The following ANKRD42 variants were observed in gnomAD, a reference collection of about 807,000 sequenced individuals.
ANKRD42 encodes ankyrin repeat domain-containing protein 42.
A neutral mutation model predicts 51.5 loss-of-function variants in ANKRD42; 43 were observed. The ratio of observed to expected loss-of-function variants is 0.83; its 90% CI spans 0.65 to 1.08. The LOEUF (loss-of-function observed/expected upper bound fraction) is 1.08. Ranked by LOEUF, ANKRD42 falls within the 50% of genes least tolerant of loss-of-function variation. The pLI, the probability that ANKRD42 is intolerant of heterozygous loss-of-function variation, is 0.00. For missense variants in ANKRD42, 608 were observed against 629.3 expected (o/e 0.97, Z 0.36); for synonymous variants, 203 against 213.0 (o/e 0.95, Z 0.41).
chr11:83,245,402 A>C, intron 9 of ANKRD42, 96 bp from the exon 10 acceptor site: 1 of 1,314,662 alleles, frequency 7.6e-7, no homozygotes, highest in Non-Finnish European at 1.0e-6. Flanking sequence ...TACAGACACT[A>C]GTCTAGAGGA....
chr11:83,218,333 ATT>A (rs1195158899), intron 5 of ANKRD42, among the ~76,000 whole-genome samples: 1 of 152,014 alleles, frequency 6.6e-6, no homozygotes, highest in Admixed American at 6.6e-5. Context: ...CCTGTGGGGA[ATT>A]TTTCCTTTTC....
chr11:83,209,599 G>T, intron 3 of ANKRD42: 1 of 886,716 alleles, frequency 1.1e-6, no homozygotes, highest in Non-Finnish European at 1.9e-6. Flanking sequence ...CTCACATATT[G>T]CTGTTCCGGT....
chr11:83,198,639 G>T lies in ANKRD42; in HGVS notation c.219G>T (p.Leu73Phe). Residue 73 changes from leucine to phenylalanine, a missense_variant, in exon 2 of 11, where the codon TTG becomes TTT. Leu to Phe is a conservative substitution (Grantham distance 22). Coordinates refer to ENST00000533342, the MANE Select transcript of ANKRD42 (RefSeq NM_001300975.2). ...ATTGGGCAGCACATTCTGGAAGTTT[G>T]GAGGTAAGAAACTATACATATCACT... ...PLHWAAHSGS[L>F]ECLHWLLWHG... 1 of 1,584,452 alleles carries T rather than the reference G, an allele frequency of 6.3e-7. No individual in the cohort carries two copies. The highest frequency in any genetic ancestry group is 8.6e-7 in the Non-Finnish European group (1 of 1,164,738).
intron 8 of ANKRD42, 51 bp downstream of exon 8, chr11:83,236,560 G>A (rs781510170): frequency 4.6e-5 from 67 of 1,454,258 alleles, no homozygotes; most frequent in South Asian, 2.2e-4. Context: ...AAAGTTTTGC[G>A]TATACTTTTT....
chr11:83,199,409 T>G (rs907225941), intron 2 of ANKRD42, among the ~76,000 whole-genome samples: 11 of 152,202 alleles, frequency 7.2e-5, no homozygotes, highest in Non-Finnish European at 1.6e-4. Context: ...AGCTTTTTTT[T>G]GTTCAACAAT....
chr11:83,201,945 CTG>C (rs1319543972), intron 2 of ANKRD42, among the ~76,000 whole-genome samples: 15 of 152,226 alleles, frequency 9.9e-5, no homozygotes, highest in African/African-American at 2.6e-4. Flanking sequence ...TGTAGGTTGC[CTG>C]TTCACTCTGA....
chr11:83,199,908 C>T (rs570885598), intron 2 of ANKRD42, among the ~76,000 whole-genome samples: 1 of 152,258 alleles, frequency 6.6e-6, no homozygotes, highest in Non-Finnish European at 1.5e-5. Flanking sequence ...TTACTTGTGC[C>T]TTTCTTTGGA....
At chr11:83,260,925 G>A (rs1863899788), downstream of ANKRD42, 1 of 152,090 alleles carries the variant, frequency 6.6e-6, no homozygotes, top group Admixed American at 6.6e-5. Flanking sequence ...GAAAAGCTTT[G>A]TTTTATGTAA....
intron 7 of ANKRD42, among the ~76,000 whole-genome samples, chr11:83,234,610 TC>T (rs1450477414): frequency 1.3e-5 from 2 of 152,240 alleles, no homozygotes; most frequent in African/African-American, 4.8e-5. Flanking sequence ...TTTAAACATT[TC>T]CCATATGATA....
chr11:83,233,209 TG>T (rs201149823), intron 7 of ANKRD42, among the ~76,000 whole-genome samples: 3 of 150,170 alleles, frequency 2.0e-5, no homozygotes, highest in African/African-American at 2.5e-5. Context: ...CCATCGGGTC[TG>T]GGGTTTTTTT....
chr11:83,225,162 A>G (rs1862838644), intron 6 of ANKRD42, 107 bp downstream of exon 6: 3 of 886,080 alleles, frequency 3.4e-6, no homozygotes, highest in Non-Finnish European at 3.3e-6. Context: ...CAAATGTTAT[A>G]TACGTTATAT....
intron 5 of ANKRD42, among the ~76,000 whole-genome samples, chr11:83,220,218 C>G (rs1380757792): frequency 6.6e-6 from 1 of 152,192 alleles, no homozygotes; most frequent in African/African-American, 2.4e-5. Context: ...TCCAGGCCAA[C>G]TAAAGCTCCC....
At chr11:83,212,628 C>T in intron 5 of ANKRD42, 1 of 1,508,970 alleles carries the variant, frequency 6.6e-7, no homozygotes, top group South Asian at 1.2e-5. Context: ...ATGAACAGGC[C>T]TGATCAAATC....
downstream of ANKRD42, among the ~76,000 whole-genome samples, chr11:83,257,537 T>C (rs1863796251): frequency 1.3e-5 from 2 of 152,234 alleles, no homozygotes; most frequent in Admixed American, 1.3e-4. Context: ...AAGAGCCATA[T>C]AAAGTAGGTA....
rs575822955 is a variant in ANKRD42 at position 83,193,750 on chromosome 11, C to G, written c.-921C>G. On this transcript the variant is annotated 5_prime_UTR_variant, in exon 1 of 11. Coordinates refer to ENST00000533342, the MANE Select transcript of ANKRD42 (RefSeq NM_001300975.2). ...GCGACGGCCCTGCTGCCTCTCCAGC[C>G]AAGTGGCTGGAGTCGGGAGGCTGGA... is the stretch of plus-strand genomic sequence containing the variant. The G allele has an allele frequency of 2.3e-6, 1 of 431,482 alleles. No individual in the cohort carries two copies. The highest frequency in any genetic ancestry group is 1.6e-5 in the South Asian group (1 of 62,746). The allele number at this position is 431,482 out of a possible 1,614,324, so 26.7% of individuals were successfully genotyped here. A position where few individuals can be genotyped will look rare whatever the true frequency, so the allele number is the denominator to read the frequency against.
At chr11:83,247,815 A>C in intron 10 of ANKRD42, 128 bp from the exon 11 acceptor site, 1 of 860,454 alleles carries the variant, frequency 1.2e-6, no homozygotes. Context: ...CCCTTAATAC[A>C]TATTTGTTGA....
intron 5 of ANKRD42, among the ~76,000 whole-genome samples, chr11:83,224,259 A>G (rs1418199529): frequency 6.6e-6 from 1 of 152,080 alleles, no homozygotes; most frequent in Non-Finnish European, 1.5e-5. Context: ...CAGAGTGACT[A>G]TTGGTTTATT....
intron 5 of ANKRD42, 101 bp downstream of exon 5, chr11:83,211,531 T>G: frequency 7.5e-7 from 1 of 1,327,606 alleles, no homozygotes; most frequent in Non-Finnish European, 1.0e-6. Context: ...GCGTGGTGGC[T>G]TACATCTGTA....
chr11:83,217,264 G>A (rs980306765), intron 5 of ANKRD42, among the ~76,000 whole-genome samples: 2 of 152,126 alleles, frequency 1.3e-5, no homozygotes, highest in African/African-American at 4.8e-5. Context: ...TCTCTTAAAT[G>A]TCTAACAATA....
Sources: allele counts gnomAD v4.1 joint callset (sites outside exome capture counted in the v4.1 genomes callset), GRCh38; gene constraint gnomAD v4.1.1; transcripts MANE v1.5; gene names NCBI Gene and HGNC (gene_info 2026-07-23, HGNC 2026-07-21).